Variants in ANKRD34A observed in about 807,000 individuals in gnomAD.
ANKRD34A encodes ankyrin repeat domain 34A.
In ANKRD34A, 7 loss-of-function variants were observed where a neutral mutation model predicts 27.1. The observed-to-expected ratio is 0.26, with a 90% CI of 0.15 to 0.49. The LOEUF is 0.49. Among genes scored for constraint, ANKRD34A ranks in the 20% least tolerant of loss-of-function variants. ANKRD34A has a pLI of 0.99. For missense variants in ANKRD34A, 472 were observed against 682.1 expected, an observed-to-expected ratio of 0.69 and a Z score of 3.43; for synonymous variants, 301 against 300.8, an observed-to-expected ratio of 1.00 and a Z score of -0.01.
In ANKRD34A at chr1:145,961,823, G is replaced by T; in HGVS notation, c.-64C>A. The T allele has an allele frequency of 6.6e-7, 1 of 1,516,176 alleles. No homozygotes were observed. Among genetic ancestry groups the T allele is most frequent in the Non-Finnish European group, 8.8e-7 (1 of 1,135,168 alleles). The allele number at this position is 1,516,176 out of a possible 1,614,324, so 93.9% of individuals were successfully genotyped here. On this transcript the variant is annotated 5_prime_UTR_variant, in exon 4 of 4. Coordinates refer to ENST00000606888, the MANE Select transcript of ANKRD34A (RefSeq NM_001039888.4). This position sits in a 1 kb window ranked among gnomAD's most constrained non-coding sequence, Gnocchi z 9.5. ...TGAGACCTGCCGAGGATGACTAGGGGTATGGGGAGGGGGAGTGGCTGGCAG... is the reference window on the plus strand; with the variant it reads ...TGAGACCTGCCGAGGATGACTAGGGTTATGGGGAGGGGGAGTGGCTGGCAG...
In ANKRD34A at chr1:145,960,302, C is replaced by T; in HGVS notation, c.1458G>A (p.Gln486=). The T allele has an allele frequency of 6.3e-7, 1 of 1,579,444 alleles. No individual in the cohort carries two copies. The highest frequency in any genetic ancestry group is 8.6e-7 in the Non-Finnish European group (1 of 1,160,948). The stretch of plus-strand genomic sequence containing the variant: ...CTGGCTCCCCAGGCCCACCTAGACT[C>T]TGGAAGCCCCCCAGCAGGCGGATCT... ...TEQIRLLGGF[Q]SLGGPGEPGR is the part of the protein sequence containing the mutation. Residue 486 remains glutamine, a synonymous_variant, in exon 4 of 4, where the codon CAG becomes CAA. Transcript: ENST00000606888. This position sits in a 1 kb window ranked among gnomAD's most constrained non-coding sequence, Gnocchi z 5.5.
Position 145,961,878 on chromosome 1 carries a change from C to G in ANKRD34A, c.-119G>C. ...CTGAGGTCTCAGTGACGAAGCCGAT[C>G]CCTGCAAGAGAGACATCTCATTGAT... On this transcript the variant is annotated splice_region_variant and 5_prime_UTR_variant, in exon 4 of 4. Coordinates refer to ENST00000606888, the MANE Select transcript of ANKRD34A (RefSeq NM_001039888.4). The surrounding 1 kb of genome is among the most constrained non-coding windows in gnomAD (Gnocchi z 9.5). 1 of 1,184,968 alleles carries G rather than the reference C, an allele frequency of 8.4e-7. No homozygotes were observed. The highest frequency in any genetic ancestry group is 1.6e-5 in the South Asian group (1 of 63,804). The allele number at this position is 1,184,968 out of a possible 1,614,324, so 73.4% of individuals were successfully genotyped here. A position where few individuals can be genotyped will look rare whatever the true frequency, so the allele number is the denominator to read the frequency against.
rs782510801 is a variant in ANKRD34A at position 145,961,804 on chromosome 1, C to A, written c.-45G>T. The A allele has an allele frequency of 7.0e-6, 11 of 1,565,238 alleles. No homozygotes were observed. The highest frequency in any genetic ancestry group is 2.3e-5 in the East Asian group (1 of 43,404). ...GCACAGATGGAGCCGGGACTGAGAC[C>A]TGCCGAGGATGACTAGGGGTATGGG... On this transcript the variant is annotated 5_prime_UTR_variant, in exon 4 of 4. The change creates a new upstream start codon in the 5' untranslated region. Coordinates refer to ENST00000606888, the MANE Select transcript of ANKRD34A (RefSeq NM_001039888.4). This position sits in a 1 kb window ranked among gnomAD's most constrained non-coding sequence, Gnocchi z 9.5.
intron 1 of ANKRD34A, 69 bp from the exon 2 acceptor site, chr1:145,963,606 C>T (rs1401550017): frequency 6.6e-6 from 1 of 152,278 alleles, no homozygotes; most frequent in South Asian, 2.1e-4. Flanking sequence ...ACTCAGGGTC[C>T]TGAGCTAATT....
In ANKRD34A at chr1:145,964,001, C is replaced by T. The variant is rs116706980; in HGVS notation, c.-897+183G>A. Among the ~76,000 whole-genome samples, 601 of 152,260 alleles carry T rather than the reference C, an allele frequency of 3.9e-3. 4 individuals are homozygous for T. Among genetic ancestry groups the T allele is most frequent in the African/African-American group, 0.012 (508 of 41,546 alleles). On this transcript the variant is annotated intron_variant, in intron 1 of 3. Transcript: ENST00000606888. ...CCTAGATTTCATCTCCATTCTGAAC[C>T]TTTCTCCCTTGTTTCTGCTTTCTGT...
chr1:145,962,077 A>G (rs1240593453), intron 3 of ANKRD34A, among the ~76,000 whole-genome samples, 198 bp from the exon 4 acceptor site: 1 of 152,028 alleles, frequency 6.6e-6, no homozygotes, highest in African/African-American at 2.4e-5. Flanking sequence ...GCGCGCGTGC[A>G]AATGCGTTCG....
chr1:145,960,178 T>A lies in ANKRD34A; in HGVS notation c.*91A>T, dbSNP rs1475460671. 3 of 1,402,594 alleles carry A rather than the reference T, an allele frequency of 2.1e-6. No individual in the cohort carries two copies. Among genetic ancestry groups the A allele is most frequent in the Admixed American group, 3.2e-5 (1 of 31,354 alleles). 86.9% of individuals were successfully genotyped at this position (1,402,594 alleles called of 1,614,324 possible). ...TGCACCCATGAGCACATGCAAGAGATCCCTTTGTTCGTGGTGTGTGTGTGA... is the reference window on the plus strand; with the variant it reads ...TGCACCCATGAGCACATGCAAGAGAACCCTTTGTTCGTGGTGTGTGTGTGA... On this transcript the variant is annotated 3_prime_UTR_variant, in exon 4 of 4. Coordinates refer to ENST00000606888, the MANE Select transcript of ANKRD34A (RefSeq NM_001039888.4). This position sits in a 1 kb window ranked among gnomAD's most constrained non-coding sequence, Gnocchi z 5.5.
In ANKRD34A at chr1:145,962,739, A is replaced by G. The variant is rs1240273696; in HGVS notation, c.-439T>C. 1.3e-5 allele frequency: 2 copies of G among 150,538 alleles called. No homozygotes were observed. The highest frequency in any genetic ancestry group is 4.9e-5 in the African/African-American group (2 of 40,760). The allele number at this position is 150,538 out of a possible 1,614,324, so 9.3% of individuals were successfully genotyped here. A position where few individuals can be genotyped will look rare whatever the true frequency, so the allele number is the denominator to read the frequency against. Reference sequence around the variant, plus strand: ...CCAAACTGCTCCCCCACTCATGCACACATAAACCCTCAAAAACCTAGAGGC... The same window carrying G: ...CCAAACTGCTCCCCCACTCATGCACGCATAAACCCTCAAAAACCTAGAGGC... On this transcript the variant is annotated 5_prime_UTR_variant, in exon 3 of 4. Coordinates refer to ENST00000606888, the MANE Select transcript of ANKRD34A (RefSeq NM_001039888.4).
At position 145,959,505 on chromosome 1, in the gene ANKRD34A, C is replaced by G. The variant is rs1369530362; in HGVS notation, c.*764G>C. 6.0e-6 allele frequency: 1 copy of G among 167,084 alleles called. No homozygotes were observed. The highest frequency in any genetic ancestry group is 1.5e-5 in the Non-Finnish European group (1 of 68,122). 10.4% of individuals were successfully genotyped at this position (167,084 alleles called of 1,614,324 possible). A position where few individuals can be genotyped will look rare whatever the true frequency, so the allele number is the denominator to read the frequency against. On this transcript the variant is annotated 3_prime_UTR_variant, in exon 4 of 4. Coordinates refer to ENST00000606888, the MANE Select transcript of ANKRD34A (RefSeq NM_001039888.4). ...AGGAGTGATTTAGGGTTTCTCCCCA[C>G]TTCTACCTGTGGGGGTGTTCATAAG...
chr1:145,961,138 C>T lies in ANKRD34A; in HGVS notation c.622G>A (p.Glu208Lys). 1 of 1,614,148 alleles carries T rather than the reference C, an allele frequency of 6.2e-7. No homozygotes were observed. The highest frequency in any genetic ancestry group is 1.1e-5 in the South Asian group (1 of 91,084). ...GMLSPRAQEE[E>K]EKRDVFEFPL... ...AATTCAAATACGTCCCGCTTCTCCTCTTCTTCCTGGGCGCGAGGGGATAAC... is the reference window on the plus strand; with the variant it reads ...AATTCAAATACGTCCCGCTTCTCCTTTTCTTCCTGGGCGCGAGGGGATAAC... Residue 208 changes from glutamate to lysine, a missense_variant, in exon 4 of 4, where the codon GAG (glutamate) becomes AAG (lysine). Glu to Lys is a moderately conservative substitution (Grantham distance 56, BLOSUM62 1). Transcript: ENST00000606888. The surrounding 1 kb of genome is among the most constrained non-coding windows in gnomAD (Gnocchi z 9.5).
Position 145,960,783 on chromosome 1 carries a change from G to C in ANKRD34A, c.977C>G (p.Pro326Arg). 6.2e-7 allele frequency: 1 copy of C among 1,614,264 alleles called. No homozygotes were observed. Among genetic ancestry groups the C allele is most frequent in the Non-Finnish European group, 8.5e-7 (1 of 1,180,040 alleles). Reference sequence around the variant, plus strand: ...GCTCAGTTTCTGCCTCAGCCCTGAAGGGGGACCAGACTCCTGAGCTTCTGG... The same window carrying C: ...GCTCAGTTTCTGCCTCAGCCCTGAACGGGGACCAGACTCCTGAGCTTCTGG... ...TAPEAQESGP[P>R]SGLRQKLSRM... The change falls in exon 4 of 4, where the codon CCT (proline) becomes CGT (arginine). Residue 326 changes from proline to arginine, a missense_variant. Physicochemically the swap from Pro to Arg is moderately radical, Grantham distance 103. Coordinates refer to ENST00000606888, the MANE Select transcript of ANKRD34A (RefSeq NM_001039888.4). This position sits in a 1 kb window ranked among gnomAD's most constrained non-coding sequence, Gnocchi z 5.5.
Position 145,960,609 on chromosome 1 carries a change from T to G in ANKRD34A, c.1151A>C (p.Gln384Pro). 1 of 1,586,044 alleles carries G rather than the reference T, an allele frequency of 6.3e-7. No individual in the cohort carries two copies. The highest frequency in any genetic ancestry group is 8.6e-7 in the Non-Finnish European group (1 of 1,164,272). Residue 384 changes from glutamine to proline, a missense_variant, in exon 4 of 4, where the codon CAG becomes CCG. Gln to Pro is a moderately conservative substitution (Grantham distance 76, BLOSUM62 -1). Transcript: ENST00000606888. The surrounding 1 kb of genome is among the most constrained non-coding windows in gnomAD (Gnocchi z 5.5). ...AGATACTGCCCCTGGCAGACTCTCCTGGGACTGGCGCGGAGAGGGAGCCGA... is the reference window on the plus strand; with the variant it reads ...AGATACTGCCCCTGGCAGACTCTCCGGGGACTGGCGCGGAGAGGGAGCCGA... ...AGSAPSPRQS[Q>P]ESLPGAVSPL...
Position 145,961,181 on chromosome 1 carries a change from T to C in ANKRD34A, c.579A>G (p.Gly193=). 1 of 1,614,126 alleles carries C rather than the reference T, an allele frequency of 6.2e-7. No individual in the cohort carries two copies. The highest frequency in any genetic ancestry group is 8.5e-7 in the Non-Finnish European group (1 of 1,180,002). Reference sequence around the variant, plus strand: ...GGGATAACATCCCACGCCCTCCTCCTCCAGCGGTCTGCAGTTGGATTTCCG... The same window carrying C: ...GGGATAACATCCCACGCCCTCCTCCCCCAGCGGTCTGCAGTTGGATTTCCG... The part of the protein sequence containing the change: ...SPSEIQLQTA[G]GGGRGMLSPR... Residue 193 remains glycine (G), a synonymous_variant, in exon 4 of 4, where the codon GGA becomes GGG. Coordinates refer to ENST00000606888, the MANE Select transcript of ANKRD34A (RefSeq NM_001039888.4). This position sits in a 1 kb window ranked among gnomAD's most constrained non-coding sequence, Gnocchi z 9.5.
Position 145,960,418 on chromosome 1 carries a change from G to A in ANKRD34A, c.1342C>T (p.Pro448Ser). The A allele has an allele frequency of 6.2e-7, 1 of 1,612,696 alleles. No individual in the cohort carries two copies. The highest frequency in any genetic ancestry group is 8.5e-7 in the Non-Finnish European group (1 of 1,179,502). The change falls in exon 4 of 4, where the codon CCT becomes TCT. Residue 448 changes from proline to serine, a missense_variant. Transcript: ENST00000606888. The surrounding 1 kb of genome is among the most constrained non-coding windows in gnomAD (Gnocchi z 5.5). The part of the protein sequence containing the change: ...DIRPQPGGRA[P>S]SLPAPPYAGA... ...GCATAAGGAGGGGCAGGCAACGAAG[G>A]CGCCCGACCTCCGGGTTGTGGGCGA...
In ANKRD34A at chr1:145,962,414, T is replaced by C. The variant is rs1553761504; in HGVS notation, c.-121+7A>G. Reference sequence around the variant, plus strand: ...TCCCCTCCCAGGCTGTGTGCCCAGATAGATACCTGAATGTCCGCAGAATCT... The same window carrying C: ...TCCCCTCCCAGGCTGTGTGCCCAGACAGATACCTGAATGTCCGCAGAATCT... On this transcript the variant is annotated splice_region_variant and intron_variant, in intron 3 of 3. Transcript: ENST00000606888. The C allele has an allele frequency of 1.3e-5, 2 of 151,272 alleles. No individual in the cohort carries two copies. Among genetic ancestry groups the C allele is most frequent in the African/African-American group, 4.9e-5 (2 of 40,890 alleles). The allele number at this position is 151,272 out of a possible 1,614,324, so 9.4% of individuals were successfully genotyped here. A position where few individuals can be genotyped will look rare whatever the true frequency, so the allele number is the denominator to read the frequency against.
At position 145,959,814 on chromosome 1, in the gene ANKRD34A, T is replaced by G. The variant is rs1393000505; in HGVS notation, c.*455A>C. 1 of 178,000 alleles carries G rather than the reference T, an allele frequency of 5.6e-6. No individual in the cohort carries two copies. Among genetic ancestry groups the G allele is most frequent in the African/African-American group, 2.4e-5 (1 of 42,208 alleles). The allele number at this position is 178,000 out of a possible 1,614,324, so 11.0% of individuals were successfully genotyped here. On this transcript the variant is annotated 3_prime_UTR_variant, in exon 4 of 4. Transcript: ENST00000606888. The stretch of plus-strand genomic sequence containing the variant: ...GCAAGACCTGCAGAATGGGCTGGGA[T>G]GTCCACGGAGAGAGTGTGCAAAATC...
At chr1:145,963,232 GCAA>G (rs1649868327) in intron 2 of ANKRD34A, 75 bp downstream of exon 2, 1 of 152,318 alleles carries the variant, frequency 6.6e-6, no homozygotes, top group South Asian at 2.1e-4. Flanking sequence ...TTTAGATAAG[GCAA>G]GGGACATTCC....
In ANKRD34A at chr1:145,961,337, G is replaced by C. The variant is rs1287252326; in HGVS notation, c.423C>G (p.Val141=). The change falls in exon 4 of 4, where the codon GTC becomes GTG. Residue 141 remains valine (V), a synonymous_variant. Coordinates refer to ENST00000606888, the MANE Select transcript of ANKRD34A (RefSeq NM_001039888.4). The surrounding 1 kb of genome is among the most constrained non-coding windows in gnomAD (Gnocchi z 9.5). ...GCGAGGTATCGGTGGTGATGATGAT[G>C]ACCTCCGTACCCTTGGCCTTGCAGG... The part of the protein sequence containing the change: ...LDACKAKGTE[V]IIITTDTSPS... The C allele has an allele frequency of 3.7e-6, 6 of 1,613,914 alleles. No individual in the cohort carries two copies. The African/African-American group carries it at 8.0e-5, about 22-fold the overall frequency.
In ANKRD34A at chr1:145,961,521, G is replaced by C. The variant is rs1553761417; in HGVS notation, c.239C>G (p.Ala80Gly). 1.9e-6 allele frequency: 3 copies of C among 1,578,154 alleles called. No individual in the cohort carries two copies. Residue 80 changes from alanine to glycine, a missense_variant, in exon 4 of 4, where the codon GCG becomes GGG. Ala to Gly is a moderately conservative substitution (Grantham distance 60). Transcript: ENST00000606888. This position sits in a 1 kb window ranked among gnomAD's most constrained non-coding sequence, Gnocchi z 9.5. ...PNIADRLGRTALMHACAGGGG... is the reference protein window; with the variant it reads ...PNIADRLGRTGLMHACAGGGG... The stretch of plus-strand genomic sequence containing the variant: ...ACCCCCGGCGCAAGCGTGCATGAGC[G>C]CCGTGCGCCCTAATCGGTCTGCGAT...
Sources: allele counts gnomAD v4.1 joint callset (sites outside exome capture counted in the v4.1 genomes callset), GRCh38; gene constraint gnomAD v4.1.1; non-coding constraint Gnocchi (gnomAD v3.1); transcripts MANE v1.5; gene names NCBI Gene and HGNC (gene_info 2026-07-23, HGNC 2026-07-21).